RSL24D1: variants seen among roughly 807,000 people sequenced by gnomAD.
The protein encoded by RSL24D1 is probable ribosome biogenesis protein RLP24.
A neutral mutation model predicts 26.2 loss-of-function variants in RSL24D1; 6 were observed. The observed-to-expected ratio is 0.23, with a 90% CI of 0.13 to 0.45. The LOEUF (loss-of-function observed/expected upper bound fraction) is 0.45. Among genes scored for constraint, RSL24D1 ranks in the 20% least tolerant of loss-of-function variants. The pLI is 0.99. For missense variants in RSL24D1, 176 were observed against 202.6 expected, an observed-to-expected ratio of 0.87 and a Z score of 0.80; for synonymous variants, 61 against 59.1, an observed-to-expected ratio of 1.03 and a Z score of -0.15.
chr15:55,189,193 CAAAAAAAAAA>C (rs11320888), intron 3 of RSL24D1, among the ~76,000 whole-genome samples: 1 of 66,522 alleles, frequency 1.5e-5, no homozygotes, highest in Non-Finnish European at 3.4e-5. Context: ...ACTCCCATCT[CAAAAAAAAAA>C]AAAAAAAAAA....
At chr15:55,189,405 A>G (rs1236183319) in intron 3 of RSL24D1, among the ~76,000 whole-genome samples, 1 of 152,158 alleles carries the variant, frequency 6.6e-6, no homozygotes, top group Admixed American at 6.5e-5. Flanking sequence ...CAGAAGGAAA[A>G]GACCTTATTT....
intron 4 of RSL24D1, among the ~76,000 whole-genome samples, chr15:55,184,054 A>G (rs1894198545): frequency 6.6e-6 from 1 of 152,244 alleles, no homozygotes; most frequent in South Asian, 2.1e-4. Context: ...TTCAATAGAA[A>G]TGCTAACAGA....
chr15:55,185,302 T>C, intron 4 of RSL24D1, 60 bp downstream of exon 4: 1 of 1,307,976 alleles, frequency 7.6e-7, no homozygotes, highest in South Asian at 1.4e-5. Context: ...AAAATACTAA[T>C]GCCTCTAAAT....
At chr15:55,186,347 G>T (rs1323383422) in intron 3 of RSL24D1, among the ~76,000 whole-genome samples, 1 of 152,098 alleles carries the variant, frequency 6.6e-6, no homozygotes, top group Non-Finnish European at 1.5e-5. Context: ...ATTAAAAAGA[G>T]TAAAACAGTA....
chr15:55,192,206 C>T (rs1014746434), intron 2 of RSL24D1, among the ~76,000 whole-genome samples: 1 of 152,126 alleles, frequency 6.6e-6, no homozygotes. Context: ...AGGGACTGAA[C>T]GTGGACAGCT....
Position 55,180,949 on chromosome 15 carries a change from C to T in RSL24D1, c.*1203G>A, listed in dbSNP as rs1175142887. ...TTATTTACAAATAAGAATACCCAGG[C>T]AAAACCACATTGGAACTCAGGTCTC... On this transcript the variant is annotated 3_prime_UTR_variant, in exon 6 of 6. Coordinates refer to ENST00000260443, the MANE Select transcript of RSL24D1 (RefSeq NM_016304.3). 1 of 152,100 alleles carries T rather than the reference C, an allele frequency of 6.6e-6. No individual in the cohort carries two copies. Among genetic ancestry groups the T allele is most frequent in the Admixed American group, 6.5e-5 (1 of 15,268 alleles). The allele number at this position is 152,100 out of a possible 1,614,324, so 9.4% of individuals were successfully genotyped here.
chr15:55,195,250 C>A (rs897724994), intron 1 of RSL24D1: 1 of 152,060 alleles, frequency 6.6e-6, no homozygotes, highest in Non-Finnish European at 1.5e-5. Context: ...ATTCACAGAG[C>A]AAAAAGATCT....
At position 55,192,828 on chromosome 15, in the gene RSL24D1, G is replaced by C. The variant is rs957387047; in HGVS notation, c.87C>G (p.Phe29Leu). Residue 29 changes from phenylalanine (F) to leucine (L), a missense_variant, in exon 2 of 6, where the codon TTC (phenylalanine) becomes TTG (leucine). Phe to Leu is a conservative substitution (Grantham distance 22, BLOSUM62 0). Coordinates refer to ENST00000260443, the MANE Select transcript of RSL24D1 (RefSeq NM_016304.3). ...MMFVRNDCKV[F>L]RFCKSKCHKN... Reference sequence around the variant, plus strand: ...TATGACATTTAGATTTGCAAAATCTGAACACCTACAAGAAAAGTTAAAATA... The same window carrying C: ...TATGACATTTAGATTTGCAAAATCTCAACACCTACAAGAAAAGTTAAAATA... 3 of 1,604,356 alleles carry C rather than the reference G, an allele frequency of 1.9e-6. No homozygotes were observed. Among genetic ancestry groups the C allele is most frequent in the Admixed American group, 3.3e-5 (2 of 59,740 alleles).
intron 1 of RSL24D1, chr15:55,196,471 A>C (rs1566888204): frequency 9.3e-6 from 5 of 538,032 alleles, no homozygotes; most frequent in Admixed American, 9.1e-5. Context: ...AACAAAGTTT[A>C]CTGGATTCAA....
intron 3 of RSL24D1, among the ~76,000 whole-genome samples, chr15:55,190,000 C>T (rs1894275095): frequency 6.6e-6 from 1 of 152,224 alleles, no homozygotes; most frequent in Non-Finnish European, 1.5e-5. Context: ...GTAATCCCAG[C>T]ACTTTGGGAG....
chr15:55,184,742 A>G (rs1409829246), intron 4 of RSL24D1, among the ~76,000 whole-genome samples: 1 of 152,182 alleles, frequency 6.6e-6, no homozygotes, highest in Non-Finnish European at 1.5e-5. Flanking sequence ...TAACATCACC[A>G]GCAAGGTGAC....
At chr15:55,192,486 A>C (rs1894308352) in intron 2 of RSL24D1, 1 of 370,688 alleles carries the variant, frequency 2.7e-6, no homozygotes. Context: ...ACTTCATCCC[A>C]AGCCATTTAA....
chr15:55,183,032 C>CA (rs2140588698), intron 5 of RSL24D1, among the ~76,000 whole-genome samples: 1 of 152,190 alleles, frequency 6.6e-6, no homozygotes, highest in South Asian at 2.1e-4. Flanking sequence ...GTCCTTTAAT[C>CA]AATACAAGTG....
At chr15:55,190,940 C>T in intron 3 of RSL24D1, 35 bp downstream of exon 3, 1 of 1,386,614 alleles carries the variant, frequency 7.2e-7, no homozygotes, top group Non-Finnish European at 1.0e-6. Flanking sequence ...AAACCAGTCT[C>T]TCCTCAAAAT....
At position 55,183,365 on chromosome 15, in the gene RSL24D1, T is replaced by C. The variant is rs1157012792; in HGVS notation, c.368A>G (p.Asp123Gly). The C allele has an allele frequency of 1.2e-6, 2 of 1,612,192 alleles. No homozygotes were observed. The highest frequency in any genetic ancestry group is 1.7e-6 in the Non-Finnish European group (2 of 1,179,636). ...GATGTTTTGCTTGACTTCTTTGATATCCTGAACTTTCTGTAGCTCTTTATT... is the reference window on the plus strand; with the variant it reads ...GATGTTTTGCTTGACTTCTTTGATACCCTGAACTTTCTGTAGCTCTTTATT... ...KKNKELQKVQ[D>G]IKEVKQNIHL... Residue 123 changes from aspartate to glycine, a missense_variant, in exon 5 of 6, where the codon GAT becomes GGT. Transcript: ENST00000260443.
rs1218707788 is a variant in RSL24D1, at chr15:55,196,865, C to G, written c.26G>C (p.Cys9Ser). The change falls in exon 1 of 6, where the codon TGT (cysteine) becomes TCT (serine). Residue 9 changes from cysteine to serine, a missense_variant. This residue lies in a region of RSL24D1 where 44 missense variants were observed against 28.8 expected (regional missense o/e 1.53). Transcript: ENST00000260443. MRIEKCYFCSGPIYPGHGM... is the reference protein window; with the variant it reads MRIEKCYFSSGPIYPGHGM... ...GTGTCCAGGATAGATGGGCCCCGAA[C>G]AGAAATAACACTTTTCGATACGCAT... is the stretch of plus-strand genomic sequence containing the variant. 5 of 1,614,194 alleles carry G rather than the reference C, an allele frequency of 3.1e-6. No individual in the cohort carries two copies. Among genetic ancestry groups the G allele is most frequent in the Non-Finnish European group, 4.2e-6 (5 of 1,180,044 alleles).
In RSL24D1 at chr15:55,183,928, TA is replaced by T. The variant is rs532321032; in HGVS notation, c.333-529del. ...TGAAAAGAAGCAGTGCTCTACTACA[TA>T]AAACAACCTTTAACTGTTACAGTGC... On this transcript the variant is annotated intron_variant, in intron 4 of 5. Transcript: ENST00000260443. Among the ~76,000 whole-genome samples, 578 of 152,268 alleles carry T rather than the reference TA, an allele frequency of 3.8e-3. 1 individual carries two copies. The highest frequency in any genetic ancestry group is 7.0e-3 in the Non-Finnish European group (473 of 68,012).
chr15:55,184,204 CAAG>C (rs1409716503), intron 4 of RSL24D1, among the ~76,000 whole-genome samples: 61 of 152,036 alleles, frequency 4.0e-4, no homozygotes, highest in African/African-American at 1.4e-3. Context: ...TAGTTGATTC[CAAG>C]CTGGGGAAGA....
intron 1 of RSL24D1, chr15:55,194,141 A>G (rs1234071693): frequency 1.3e-5 from 2 of 152,170 alleles, no homozygotes; most frequent in African/African-American, 4.8e-5. Context: ...TTCCTTAACT[A>G]ATAGGTATTA....
Sources: gnomAD v4.1 joint callset for allele counts (sites outside exome capture counted in the v4.1 genomes callset) on GRCh38, gnomAD v4.1.1 for gene constraint, gnomAD v4.1.1 regional missense constraint, MANE v1.5 for transcripts, NCBI Gene and HGNC (gene_info 2026-07-23, HGNC 2026-07-21) for gene names.